CALD1: variants seen among roughly 807,000 people sequenced by gnomAD.
CALD1 encodes the protein caldesmon 1.
In CALD1, 33 loss-of-function variants were observed where a neutral mutation model predicts 99.9. The ratio of observed to expected loss-of-function variants is 0.33; its 90% CI spans 0.25 to 0.44. The LOEUF (loss-of-function observed/expected upper bound fraction) is 0.44, where lower values mean the gene tolerates loss of function less well. CALD1 is among the 20% of genes least tolerant of loss of function. CALD1 has a pLI of 1.00. For synonymous variants in CALD1, 310 were observed against 325.0 expected (o/e 0.95, Z 0.50); for missense variants, 861 against 962.1 (o/e 0.89, Z 1.39).
intron 1 of CALD1, among the ~76,000 whole-genome samples, chr7:134,816,821 T>C (rs1356744388): frequency 6.6e-6 from 1 of 152,190 alleles, no homozygotes. Flanking sequence ...ATGGCTTCAA[T>C]AGGTGAGACT....
intron 3 of CALD1, among the ~76,000 whole-genome samples, chr7:134,873,470 G>A (rs62479552): frequency 1.3e-5 from 2 of 152,150 alleles, no homozygotes; most frequent in Non-Finnish European, 2.9e-5. Flanking sequence ...CCAGGAAAGA[G>A]GGAGAGAGAA....
At chr7:134,850,826 G>A (rs889868075) in intron 2 of CALD1, among the ~76,000 whole-genome samples, 2 of 152,166 alleles carry the variant, frequency 1.3e-5, no homozygotes, top group Non-Finnish European at 2.9e-5. Flanking sequence ...GGAGGGACCA[G>A]GTGGGAAGTA....
At chr7:134,827,433 T>C (rs781636159) in intron 1 of CALD1, among the ~76,000 whole-genome samples, 5 of 152,242 alleles carry the variant, frequency 3.3e-5, no homozygotes, top group Non-Finnish European at 5.9e-5. Context: ...TACCAGGTTC[T>C]ATACTGTTAT....
chr7:134,807,934 C>G (rs930474720), intron 1 of CALD1, among the ~76,000 whole-genome samples: 1 of 152,020 alleles, frequency 6.6e-6, no homozygotes, highest in Admixed American at 6.6e-5. Context: ...GGCCGATTAT[C>G]TCCAATTTTT....
intron 4 of CALD1, among the ~76,000 whole-genome samples, 163 bp from the exon 5 acceptor site, chr7:134,932,825 C>A (rs1022262989): frequency 6.6e-6 from 1 of 152,172 alleles, no homozygotes; most frequent in African/African-American, 2.4e-5. Context: ...ATGCTGTCAG[C>A]TGAAAGCCAG....
intron 9 of CALD1, 23 bp downstream of exon 9, chr7:134,950,537 T>A: frequency 6.3e-7 from 1 of 1,599,876 alleles, no homozygotes; most frequent in South Asian, 1.1e-5. Flanking sequence ...CCAGAAAACT[T>A]CTATTAGAAT....
At chr7:134,761,608 G>A (rs1481016454) in intron 1 of CALD1, among the ~76,000 whole-genome samples, 2 of 152,166 alleles carry the variant, frequency 1.3e-5, no homozygotes, top group Non-Finnish European at 2.9e-5. Context: ...CTTTACAAGT[G>A]AGAAAACTAA....
At chr7:134,844,120 T>A (rs1363484421) in intron 2 of CALD1, 149 bp downstream of exon 2, 3 of 152,204 alleles carry the variant, frequency 2.0e-5, no homozygotes, top group Admixed American at 1.3e-4. Context: ...TACTTGCCAG[T>A]TAATTAATCA....
At chr7:134,787,289 T>C (rs1264005969) in intron 1 of CALD1, among the ~76,000 whole-genome samples, 3 of 152,182 alleles carry the variant, frequency 2.0e-5, no homozygotes, top group African/African-American at 7.2e-5. Flanking sequence ...ACTGGAAATG[T>C]GGCAAGAATA....
chr7:134,779,525 A>G, upstream of CALD1: 1 of 394,846 alleles, frequency 2.5e-6, no homozygotes, highest in East Asian at 3.6e-5. Flanking sequence ...ACGACAGGAC[A>G]ATGCATACCA....
intron 1 of CALD1, among the ~76,000 whole-genome samples, chr7:134,797,692 A>G (rs1289214237): frequency 6.6e-6 from 1 of 152,158 alleles, no homozygotes; most frequent in East Asian, 1.9e-4. Flanking sequence ...TCCTGGGTTC[A>G]AGCAATTTTC....
upstream of CALD1, among the ~76,000 whole-genome samples, chr7:134,742,838 G>C (rs1415647546): frequency 1.3e-5 from 2 of 152,184 alleles, no homozygotes; most frequent in Non-Finnish European, 2.9e-5. Context: ...TCCCTGAGCA[G>C]TGTTCTGTTT....
chr7:134,933,295 G>A lies in CALD1; in HGVS notation c.526G>A (p.Asp176Asn). ...ETVTKSYQKN[D>N]WRDAEENKKE... ...AGTCACCAAGTCCTACCAGAAGAAT[G>A]ATTGGAGGGATGCTGAAGAAAACAA... Residue 176 changes from aspartate (D) to asparagine (N), a missense_variant, in exon 5 of 15, where the codon GAT (aspartate) becomes AAT (asparagine). By Grantham distance (23) the Asp-to-Asn change is conservative (BLOSUM62 1). Transcript: ENST00000361675. 1.2e-6 allele frequency: 2 copies of A among 1,604,494 alleles called. No homozygotes were observed. The highest frequency in any genetic ancestry group is 1.7e-6 in the Non-Finnish European group (2 of 1,176,044).
intron 1 of CALD1, among the ~76,000 whole-genome samples, chr7:134,829,140 C>T (rs1799122342): frequency 6.6e-6 from 1 of 152,198 alleles, no homozygotes; most frequent in Non-Finnish European, 1.5e-5. Context: ...ACAATAAATA[C>T]ATCCTCATGG....
chr7:134,737,554 T>C, the CALD1 span, among the ~76,000 whole-genome samples: 2 of 152,238 alleles, frequency 1.3e-5, no homozygotes, highest in Non-Finnish European at 2.9e-5. Flanking sequence ...TTTCCTTCTG[T>C]AATGTCTTCA....
chr7:134,877,286 A>G (rs972433109), intron 3 of CALD1, among the ~76,000 whole-genome samples: 2 of 152,160 alleles, frequency 1.3e-5, no homozygotes, highest in African/African-American at 4.8e-5. Flanking sequence ...TCAGTGTCTA[A>G]TCTTTTCTCT....
At chr7:134,744,599 A>G (rs1796618779) in intron 1 of CALD1, among the ~76,000 whole-genome samples, 1 of 152,102 alleles carries the variant, frequency 6.6e-6, no homozygotes, top group Non-Finnish European at 1.5e-5. Context: ...TGTTACCTGA[A>G]TTCCTCCAGA....
At chr7:134,764,835 G>A (rs78098134) in intron 1 of CALD1, among the ~76,000 whole-genome samples, 4,887 of 152,196 alleles carry the variant, frequency 0.032, 241 homozygotes, top group African/African-American at 0.11. Flanking sequence ...GGTGCACTAC[G>A]TGATGTGGGG....
chr7:134,938,397 T>C (rs560066387), intron 6 of CALD1, among the ~76,000 whole-genome samples: 27 of 152,160 alleles, frequency 1.8e-4, no homozygotes, highest in Admixed American at 2.6e-4. Flanking sequence ...CATGTATTAT[T>C]CCACTGGATA....
Sources: allele counts gnomAD v4.1 joint callset (sites outside exome capture counted in the v4.1 genomes callset), GRCh38; gene constraint gnomAD v4.1.1; transcripts MANE v1.5; gene names NCBI Gene and HGNC (gene_info 2026-07-23, HGNC 2026-07-21).